Variants in ABCA1 observed in about 807,000 individuals in gnomAD.
ABCA1 encodes the protein ATP binding cassette subfamily A member 1.
In ABCA1, 133 loss-of-function variants were observed where a neutral mutation model predicts 262.5. The observed-to-expected ratio is 0.51, with a 90% CI of 0.44 to 0.59. The LOEUF (loss-of-function observed/expected upper bound fraction) is 0.59. Ranked by LOEUF, ABCA1 falls within the 20% of genes least tolerant of loss-of-function variation. The pLI is 0.00. For synonymous variants in ABCA1, 1,022 were observed against 1,043.5 expected (o/e 0.98, Z 0.40); for missense variants, 2,452 against 2,777.5 (o/e 0.88, Z 2.63).
intron 5 of ABCA1, among the ~76,000 whole-genome samples, chr9:104,862,851 G>GGTGCATTAC (rs1836759269): frequency 6.7e-6 from 1 of 148,662 alleles, no homozygotes; most frequent in Non-Finnish European, 1.5e-5. Context: ...GACAAACACT[G>GGTGCATTAC]GCAGAGTGCA....
intron 15 of ABCA1, among the ~76,000 whole-genome samples, chr9:104,827,619 A>G (rs751006096): frequency 1.2e-4 from 18 of 152,122 alleles, no homozygotes; most frequent in African/African-American, 4.1e-4. Flanking sequence ...CATTCCCACA[A>G]TCATCCAAAC....
chr9:104,842,977 G>A (rs926093590), intron 8 of ABCA1, among the ~76,000 whole-genome samples: 22 of 152,090 alleles, frequency 1.4e-4, no homozygotes, highest in Non-Finnish European at 2.5e-4. Flanking sequence ...GCATGCTCTA[G>A]CATCAATGTC....
chr9:104,833,619 C>T (rs1833541109), intron 11 of ABCA1, among the ~76,000 whole-genome samples: 1 of 152,172 alleles, frequency 6.6e-6, no homozygotes, highest in Non-Finnish European at 1.5e-5. Context: ...GTGCACCTCC[C>T]CCTCCCCACT....
chr9:104,819,970 A>G lies in ABCA1; in HGVS notation c.3060T>C (p.Gly1020=). Residue 1020 remains glycine (G), a synonymous_variant, in exon 21 of 50, where the codon GGT becomes GGC. Coordinates refer to ENST00000374736, the MANE Select transcript of ABCA1 (RefSeq NM_005502.4). ...TGCTTTTCAGCTTGCTTGATGGCAA[A>G]CCAACATCCAGGGCCATCTGCTCCA... ...AEMEQMALDV[G]LPSSKLKSKT... is the part of the protein sequence containing the mutation. 6.2e-7 allele frequency: 1 copy of G among 1,613,828 alleles called. No individual in the cohort carries two copies. Among genetic ancestry groups the G allele is most frequent in the Non-Finnish European group, 8.5e-7 (1 of 1,179,966 alleles).
chr9:104,824,785 G>T (rs1382577656), intron 17 of ABCA1, among the ~76,000 whole-genome samples: 1 of 152,174 alleles, frequency 6.6e-6, no homozygotes, highest in African/African-American at 2.4e-5. Flanking sequence ...AACAACCCAC[G>T]GGGCAGGTGC....
chr9:104,825,345 G>C (rs1832726457), intron 17 of ABCA1, among the ~76,000 whole-genome samples: 1 of 152,212 alleles, frequency 6.6e-6, no homozygotes, highest in African/African-American at 2.4e-5. Flanking sequence ...TGTGACCAAA[G>C]CTGGTTACTT....
At chr9:104,862,676 GGCCGGGCCGGGCCGGGCCGGGCCGGCC>G (rs1836669324) in intron 5 of ABCA1, among the ~76,000 whole-genome samples, 1 of 1,828 alleles carries the variant, frequency 5.5e-4, no homozygotes, top group African/African-American at 1.5e-3. Flanking sequence ...GGCCGGGCCG[GGCCGGGCCGGGCCGGGCCGGGCCGGCC>G]CCCACCCCCA....
chr9:104,794,294 C>A, intron 40 of ABCA1, 93 bp downstream of exon 40: 1 of 1,590,376 alleles, frequency 6.3e-7, no homozygotes, highest in South Asian at 1.1e-5. Context: ...TGTGCTTAGT[C>A]ACCTGCTTCT....
intron 14 of ABCA1, among the ~76,000 whole-genome samples, chr9:104,830,483 A>G (rs189976778): frequency 6.6e-6 from 1 of 152,202 alleles, no homozygotes; most frequent in African/African-American, 2.4e-5. Context: ...TGAGCTCAGG[A>G]GTTGAAGTCT....
At chr9:104,791,101 C>T in intron 43 of ABCA1, 73 bp from the exon 44 acceptor site, 2 of 988,096 alleles carry the variant, frequency 2.0e-6, no homozygotes, top group African/African-American at 3.2e-5. Flanking sequence ...CACGTAACTA[C>T]CTCAAACCTT....
chr9:104,903,657 C>A lies in ABCA1; in HGVS notation c.23G>T (p.Arg8Met), dbSNP rs748989873. The change falls in exon 2 of 50, where the codon AGG (arginine) becomes ATG (methionine). Residue 8 changes from arginine to methionine, a missense_variant. Transcript: ENST00000374736. MACWPQL[R>M]LLLWKNLTFR... is the part of the protein sequence containing the mutation. ...AGTGAGGTTCTTCCACAGCAGCAAC[C>A]TCAGCTGAGGCCAACAAGCCATGTT... 1 of 1,587,532 alleles carries A rather than the reference C, an allele frequency of 6.3e-7. No homozygotes were observed. Among genetic ancestry groups the A allele is most frequent in the Admixed American group, 1.8e-5 (1 of 55,840 alleles).
In ABCA1 at chr9:104,814,485, G is replaced by A. The variant is rs1190311249; in HGVS notation, c.3739-10C>T. On this transcript the variant is annotated splice_polypyrimidine_tract_variant and intron_variant, in intron 25 of 49. Transcript: ENST00000374736. The stretch of plus-strand genomic sequence containing the variant: ...CCACCTTGAGGAATATCTGGAAAAT[G>A]AGAGAGATGAGAACATTATAAGCAC... 1.2e-6 allele frequency: 2 copies of A among 1,613,650 alleles called. No individual in the cohort carries two copies. The highest frequency in any genetic ancestry group is 1.7e-5 in the Admixed American group (1 of 59,998).
intron 11 of ABCA1, among the ~76,000 whole-genome samples, chr9:104,834,147 A>G (rs1235717207): frequency 1.3e-5 from 2 of 149,904 alleles, no homozygotes; most frequent in African/African-American, 4.9e-5. Context: ...ATGATTGTAT[A>G]GAGTATATGT....
At chr9:104,792,715 A>T (rs1829533261) in intron 42 of ABCA1, 71 bp downstream of exon 42, 1 of 1,606,914 alleles carries the variant, frequency 6.2e-7, no homozygotes, top group African/African-American at 1.3e-5. Context: ...GCAAGTCAGC[A>T]AACTGCTGGG....
chr9:104,791,868 G>A (rs764395208), intron 43 of ABCA1, 68 bp downstream of exon 43: 30 of 1,505,570 alleles, frequency 2.0e-5, no homozygotes, highest in East Asian at 4.7e-5. Context: ...AACGAGCATC[G>A]TTGCTTGATT....
In ABCA1 at chr9:104,861,738, G is replaced by C; in HGVS notation, c.484C>G (p.Leu162Val). ...TCCACAGTAGACTTTGGGAGAGAGA[G>C]GTTGTGATACAGGAACCCAGAGAAG... ...ETFSGFLYHN[L>V]SLPKSTVDKM... Residue 162 changes from leucine (L) to valine (V), a missense_variant, in exon 6 of 50, where the codon CTC (leucine) becomes GTC (valine). Coordinates refer to ENST00000374736, the MANE Select transcript of ABCA1 (RefSeq NM_005502.4). 6.2e-7 allele frequency: 1 copy of C among 1,613,884 alleles called. No individual in the cohort carries two copies.
intron 25 of ABCA1, 61 bp downstream of exon 25, chr9:104,816,082 T>C (rs2118951427): frequency 6.4e-7 from 1 of 1,560,794 alleles, no homozygotes; most frequent in Non-Finnish European, 8.8e-7. Flanking sequence ...TGCAGGCTAC[T>C]GGTCTGGCCT....
intron 11 of ABCA1, among the ~76,000 whole-genome samples, chr9:104,833,866 G>A (rs139440644): frequency 2.6e-5 from 4 of 152,296 alleles, no homozygotes; most frequent in African/African-American, 7.2e-5. Flanking sequence ...AGATCAATCC[G>A]CTGCTCAATC....
intron 18 of ABCA1, 30 bp from the exon 19 acceptor site, chr9:104,822,697 C>A: frequency 1.2e-6 from 2 of 1,612,548 alleles, no homozygotes; most frequent in Non-Finnish European, 8.5e-7. Flanking sequence ...AGAAATGAAC[C>A]CACAGAAAGC....
Sources: allele counts gnomAD v4.1 joint callset (sites outside exome capture counted in the v4.1 genomes callset), GRCh38; gene constraint gnomAD v4.1.1; transcripts MANE v1.5; gene names NCBI Gene and HGNC (gene_info 2026-07-23, HGNC 2026-07-21).